Variants in GALNT17 observed in about 807,000 individuals in gnomAD.
The protein encoded by GALNT17 is UDP-GalNAc:polypeptide N-acetylgalactosaminyltransferase-like 3.
A neutral mutation model predicts 63.7 loss-of-function variants in GALNT17; 29 were observed. The ratio of observed to expected loss-of-function variants is 0.46; its 90% CI spans 0.34 to 0.62. The LOEUF (loss-of-function observed/expected upper bound fraction) is 0.62. Among genes scored for constraint, GALNT17 ranks in the 20% least tolerant of loss-of-function variants. The pLI is 0.01. For synonymous variants in GALNT17, 305 were observed against 318.3 expected (o/e 0.96, Z 0.45); for missense variants, 603 against 799.6 (o/e 0.75, Z 2.97).
At chr7:71,639,609 G>T (rs1790575907) in intron 6 of GALNT17, among the ~76,000 whole-genome samples, 1 of 152,162 alleles carries the variant, frequency 6.6e-6, no homozygotes, top group African/African-American at 2.4e-5. Context: ...ATTGTGAACG[G>T]CCCGGGAAAC....
chr7:71,652,962 C>T (rs1790775215), intron 6 of GALNT17, among the ~76,000 whole-genome samples: 1 of 152,070 alleles, frequency 6.6e-6, no homozygotes, highest in African/African-American at 2.4e-5. Flanking sequence ...ATGCTTAAGA[C>T]CTGAACTCCC....
At chr7:71,369,620 C>G (rs1381567785) in intron 2 of GALNT17, among the ~76,000 whole-genome samples, 2 of 151,868 alleles carry the variant, frequency 1.3e-5, no homozygotes, top group African/African-American at 4.8e-5. Flanking sequence ...CGAGACCAGC[C>G]TGGCCAATAT....
chr7:71,411,195 A>G (rs1408659833), intron 3 of GALNT17, among the ~76,000 whole-genome samples: 2 of 151,894 alleles, frequency 1.3e-5, no homozygotes, highest in African/African-American at 2.4e-5. Flanking sequence ...ATCTCAGCTC[A>G]CTGCAACCCC....
intron 2 of GALNT17, among the ~76,000 whole-genome samples, chr7:71,377,629 G>T (rs1390892467): frequency 1.3e-5 from 2 of 152,170 alleles, no homozygotes; most frequent in Non-Finnish European, 2.9e-5. Flanking sequence ...CACCCACAAT[G>T]ATATGGTTTG....
At chr7:71,656,717 TGTA>T (rs1790833511) in intron 6 of GALNT17, among the ~76,000 whole-genome samples, 1 of 152,206 alleles carries the variant, frequency 6.6e-6, no homozygotes, top group African/African-American at 2.4e-5. Context: ...GCAGTTGAGC[TGTA>T]GTGAAGAGGC....
At chr7:71,506,441 AT>A (rs1440373579) in intron 5 of GALNT17, among the ~76,000 whole-genome samples, 1 of 151,862 alleles carries the variant, frequency 6.6e-6, no homozygotes, top group Non-Finnish European at 1.5e-5. Context: ...TAATTTTTGT[AT>A]TTTTAGTAGA....
At chr7:71,378,298 C>T (rs753602327) in intron 2 of GALNT17, among the ~76,000 whole-genome samples, 6 of 152,254 alleles carry the variant, frequency 3.9e-5, no homozygotes, top group Middle Eastern at 3.4e-3. Flanking sequence ...GCTCCAAAAG[C>T]GGGGCCTCGC....
intron 5 of GALNT17, among the ~76,000 whole-genome samples, chr7:71,508,514 G>C (rs1366525452): frequency 1.3e-5 from 2 of 152,112 alleles, no homozygotes; most frequent in Admixed American, 6.6e-5. Flanking sequence ...TTGGAAGCTA[G>C]AGCAGTCATT....
intron 6 of GALNT17, among the ~76,000 whole-genome samples, chr7:71,632,906 T>A (rs1450157706): frequency 6.6e-6 from 1 of 151,756 alleles, no homozygotes. Flanking sequence ...GAGGTCGAGA[T>A]CAGCATGGCC....
intron 1 of GALNT17, among the ~76,000 whole-genome samples, chr7:71,239,085 C>T (rs983531981): frequency 9.2e-5 from 14 of 152,166 alleles, no homozygotes; most frequent in Non-Finnish European, 1.8e-4. Context: ...AGTCCCATTG[C>T]AATCTAATGA....
intron 1 of GALNT17, among the ~76,000 whole-genome samples, chr7:71,327,256 G>T (rs1421067118): frequency 6.6e-6 from 1 of 152,062 alleles, no homozygotes; most frequent in Non-Finnish European, 1.5e-5. Flanking sequence ...AATTTATAAA[G>T]AAAAAGAGGT....
At chr7:71,607,031 G>A (rs906930656) in intron 6 of GALNT17, among the ~76,000 whole-genome samples, 12 of 152,174 alleles carry the variant, frequency 7.9e-5, no homozygotes, top group Admixed American at 7.2e-4. Context: ...TTGATACCAG[G>A]AGTGTTGGCT....
At position 71,168,849 on chromosome 7, in the gene GALNT17, G is replaced by A. The variant is rs151060437; in HGVS notation, c.238+35809G>A. Among the ~76,000 whole-genome samples, 874 of 152,112 alleles carry A rather than the reference G, an allele frequency of 5.7e-3. 10 individuals are homozygous for A. Among genetic ancestry groups the A allele is most frequent in the African/African-American group, 0.02 (834 of 41,492 alleles). On this transcript the variant is annotated intron_variant, in intron 1 of 10. Transcript: ENST00000333538. The stretch of plus-strand genomic sequence containing the variant: ...TCCTTTGCATTTCTGTGTGAATTTT[G>A]GGACCAGTTAATTTCTGCAGGTGGG...
At chr7:71,175,930 C>A (rs1788629170) in intron 1 of GALNT17, among the ~76,000 whole-genome samples, 1 of 152,046 alleles carries the variant, frequency 6.6e-6, no homozygotes, top group African/African-American at 2.4e-5. Context: ...ATTTTTCTTA[C>A]AAATCTTCAA....
chr7:71,495,709 A>G (rs1264844551), intron 5 of GALNT17, among the ~76,000 whole-genome samples: 2 of 152,168 alleles, frequency 1.3e-5, no homozygotes, highest in Non-Finnish European at 2.9e-5. Flanking sequence ...TGATGGTCAC[A>G]TGTAGAGGCT....
At chr7:71,241,312 A>G (rs1200341974) in intron 1 of GALNT17, among the ~76,000 whole-genome samples, 1 of 152,144 alleles carries the variant, frequency 6.6e-6, no homozygotes, top group Non-Finnish European at 1.5e-5. Context: ...CTTCTGTTGT[A>G]TCCTTCCCCC....
intron 2 of GALNT17, among the ~76,000 whole-genome samples, chr7:71,376,516 T>G (rs1381861879): frequency 7.0e-6 from 1 of 142,200 alleles, no homozygotes; most frequent in African/African-American, 2.6e-5. Context: ...GAACTGAGAA[T>G]CTGAAGGACG....
chr7:71,154,017 TTGA>T (rs1232195073), intron 1 of GALNT17, among the ~76,000 whole-genome samples: 5 of 152,182 alleles, frequency 3.3e-5, no homozygotes, highest in Non-Finnish European at 7.4e-5. Context: ...TCCCCTCTTG[TTGA>T]TGATGCGCTG....
chr7:71,370,780 A>AT (rs1199356248), intron 2 of GALNT17, among the ~76,000 whole-genome samples: 5 of 151,074 alleles, frequency 3.3e-5, no homozygotes, highest in Admixed American at 6.6e-5. Flanking sequence ...CCTTATTTTT[A>AT]TTTTTTGTAG....
Sources: allele counts gnomAD v4.1 joint callset (sites outside exome capture counted in the v4.1 genomes callset), GRCh38; gene constraint gnomAD v4.1.1; transcripts MANE v1.5; gene names NCBI Gene and HGNC (gene_info 2026-07-23, HGNC 2026-07-21).